OSBP2: variants seen among roughly 807,000 people sequenced by gnomAD.
The protein encoded by OSBP2 is oxysterol binding protein 2, also known as oxysterol-binding protein 2.
Under a neutral mutation model 96.0 loss-of-function variants are expected in OSBP2, and 66 were observed. The observed-to-expected ratio is 0.69, with a 90% confidence interval of 0.56 to 0.84. The LOEUF is 0.84. OSBP2 is among the 40% of genes least tolerant of loss of function. OSBP2 has a pLI of 0.00. For synonymous variants in OSBP2, 525 were observed against 520.9 expected (o/e 1.01, Z -0.11); for missense variants, 1,038 against 1,222.7 (o/e 0.85, Z 2.25).
intron 2 of OSBP2, among the ~76,000 whole-genome samples, chr22:30,859,335 C>CA (rs1462568422): frequency 6.6e-6 from 1 of 152,246 alleles, no homozygotes; most frequent in African/African-American, 2.4e-5. Flanking sequence ...CCCTCTTGCT[C>CA]TGGCCTTGAG....
At chr22:30,794,227 T>C (rs1327815882) in intron 2 of OSBP2, among the ~76,000 whole-genome samples, 1 of 151,272 alleles carries the variant, frequency 6.6e-6, no homozygotes, top group African/African-American at 2.4e-5. Flanking sequence ...ATTTAAAAAA[T>C]AAATAAAATT....
At chr22:30,743,757 A>T (rs1283450800) in intron 2 of OSBP2, among the ~76,000 whole-genome samples, 1 of 152,206 alleles carries the variant, frequency 6.6e-6, no homozygotes, top group East Asian at 1.9e-4. Context: ...GGTGGCAGTC[A>T]TGGGATTAGT....
At chr22:30,819,920 G>C (rs2091127468) in intron 2 of OSBP2, among the ~76,000 whole-genome samples, 1 of 152,198 alleles carries the variant, frequency 6.6e-6, no homozygotes, top group South Asian at 2.1e-4. Flanking sequence ...CTCTTCTTCA[G>C]CCTTTAGGAC....
At chr22:30,783,164 T>TA (rs1406856250) in intron 2 of OSBP2, among the ~76,000 whole-genome samples, 6 of 149,728 alleles carry the variant, frequency 4.0e-5, no homozygotes, top group African/African-American at 1.5e-4. Context: ...CATATGGTCC[T>TA]ATTCATTGGT....
intron 1 of OSBP2, among the ~76,000 whole-genome samples, chr22:30,698,868 C>T (rs2089105881): frequency 6.6e-6 from 1 of 152,188 alleles, no homozygotes; most frequent in South Asian, 2.1e-4. Context: ...TCCTGGTCGC[C>T]ATGCACTTTT....
intron 1 of OSBP2, among the ~76,000 whole-genome samples, chr22:30,708,735 A>C (rs976774144): frequency 6.7e-6 from 1 of 150,312 alleles, no homozygotes; most frequent in Non-Finnish European, 1.5e-5. Flanking sequence ...TGATCCGCCC[A>C]CTTCAGCCTC....
chr22:30,873,843 C>T (rs113986176), intron 3 of OSBP2, among the ~76,000 whole-genome samples: 6 of 152,346 alleles, frequency 3.9e-5, no homozygotes, highest in African/African-American at 1.4e-4. Flanking sequence ...TCACAGCGCG[C>T]TGGGGCAGGC....
At chr22:30,818,299 G>A (rs2091104734) in intron 2 of OSBP2, among the ~76,000 whole-genome samples, 1 of 151,548 alleles carries the variant, frequency 6.6e-6, no homozygotes, top group Non-Finnish European at 1.5e-5. Context: ...TTTTTAGCAC[G>A]GTTTATTTCC....
chr22:30,707,991 G>C (rs905804247), intron 1 of OSBP2, among the ~76,000 whole-genome samples: 1 of 151,474 alleles, frequency 6.6e-6, no homozygotes, highest in Non-Finnish European at 1.5e-5. Context: ...GGGTTCAAGC[G>C]AGTCTCCTGC....
intron 1 of OSBP2, among the ~76,000 whole-genome samples, chr22:30,720,653 T>A (rs2089533796): frequency 6.6e-6 from 1 of 152,218 alleles, no homozygotes; most frequent in Admixed American, 6.5e-5. Context: ...TCAACAGCCC[T>A]GCTTGGCTAT....
At chr22:30,751,540 A>AGACG (rs2090073889) in intron 2 of OSBP2, among the ~76,000 whole-genome samples, 1 of 151,982 alleles carries the variant, frequency 6.6e-6, no homozygotes, top group South Asian at 2.1e-4. Context: ...TTTTTAGTAG[A>AGACG]GACGGGGTTT....
At chr22:30,778,807 C>T (rs184851015) in intron 2 of OSBP2, among the ~76,000 whole-genome samples, 244 of 151,846 alleles carry the variant, frequency 1.6e-3, no homozygotes, top group African/African-American at 5.6e-3. Flanking sequence ...AGGCTGAGGC[C>T]GGTTGGTCAC....
chr22:30,713,436 A>G (rs1401513571), intron 1 of OSBP2, among the ~76,000 whole-genome samples: 4 of 148,116 alleles, frequency 2.7e-5, no homozygotes, highest in Non-Finnish European at 5.9e-5. Context: ...GGAACCAATG[A>G]AGTATTTTAT....
chr22:30,879,001 G>A (rs929287716), intron 3 of OSBP2, among the ~76,000 whole-genome samples: 2 of 152,224 alleles, frequency 1.3e-5, no homozygotes, highest in East Asian at 1.9e-4. Context: ...CACAGGAACA[G>A]AGACAGCAAC....
At position 30,870,928 on chromosome 22, in the gene OSBP2, T is replaced by C. The variant is rs575333988; in HGVS notation, c.1107+246T>C. 1.3e-5 allele frequency among the ~76,000 whole-genome samples: 2 copies of C among 152,338 alleles called. No homozygotes were observed. The highest frequency in any genetic ancestry group is 2.1e-4 in the South Asian group (1 of 4,832). On this transcript the variant is annotated intron_variant, in intron 3 of 13. Coordinates refer to ENST00000332585, the MANE Select transcript of OSBP2 (RefSeq NM_030758.4). The surrounding 1 kb of genome is among the most constrained non-coding windows in gnomAD (Gnocchi z 4.1). ...GAAACGAGTTGGTTGTGGACTCTGG[T>C]GCAGTCTGCAGTTATTTACTTCATG...
chr22:30,783,582 A>G (rs2090549214), intron 2 of OSBP2, among the ~76,000 whole-genome samples: 1 of 152,030 alleles, frequency 6.6e-6, no homozygotes. Context: ...TTGGCCTCCC[A>G]AAGTGCTGGT....
rs1279071941 is a variant in OSBP2 at position 30,857,163 on chromosome 22, C to A, written c.854-13266C>A. 2.0e-5 allele frequency among the ~76,000 whole-genome samples: 3 copies of A among 152,202 alleles called. No homozygotes were observed. In the East Asian group the frequency reaches 5.8e-4, roughly 29 times the overall value. ...ACTGCAGCAGCCCCCCTGGCAGGGA[C>A]CCTCTAAGCGATGGGGGTGACTGCC... On this transcript the variant is annotated intron_variant, in intron 2 of 13. Coordinates refer to ENST00000332585, the MANE Select transcript of OSBP2 (RefSeq NM_030758.4).
intron 2 of OSBP2, among the ~76,000 whole-genome samples, chr22:30,755,373 G>C (rs780340624): frequency 1.3e-5 from 2 of 152,100 alleles, no homozygotes; most frequent in Non-Finnish European, 2.9e-5. Context: ...CTCACCACAG[G>C]ACCAAGCAGC....
upstream of OSBP2, chr22:30,694,494 G>A: frequency 9.6e-7 from 1 of 1,044,638 alleles, no homozygotes; most frequent in Non-Finnish European, 1.3e-6. Context: ...CTGGGTTGGG[G>A]GAGGGGGCGT....
Sources: gnomAD v4.1 joint callset for allele counts (sites outside exome capture counted in the v4.1 genomes callset) on GRCh38, gnomAD v4.1.1 for gene constraint, Gnocchi (gnomAD v3.1) non-coding constraint, MANE v1.5 for transcripts, NCBI Gene and HGNC (gene_info 2026-07-23, HGNC 2026-07-21) for gene names.